COL17A1: variants seen among roughly 807,000 people sequenced by gnomAD.
COL17A1 encodes collagen type XVII alpha 1 chain.
Under a neutral mutation model 218.4 loss-of-function variants are expected in COL17A1, and 181 were observed. The ratio of observed to expected loss-of-function variants is 0.83; its 90% CI spans 0.73 to 0.94. The LOEUF (loss-of-function observed/expected upper bound fraction) is 0.94, where lower values mean the gene tolerates loss of function less well. COL17A1 is among the 40% of genes least tolerant of loss of function. COL17A1 has a pLI of 0.00. For missense variants in COL17A1, 1,924 were observed against 1,945.9 expected (o/e 0.99, Z 0.21); for synonymous variants, 721 against 731.0 (o/e 0.99, Z 0.22).
intron 30 of COL17A1, 79 bp downstream of exon 30, chr10:104,047,990 G>T: frequency 6.4e-7 from 1 of 1,560,748 alleles, no homozygotes; most frequent in East Asian, 2.2e-5. Flanking sequence ...CTGCACTATG[G>T]TTAAGGGGAC....
At chr10:104,032,583 G>T in intron 55 of COL17A1, 91 bp downstream of exon 55, 2 of 1,375,910 alleles carry the variant, frequency 1.5e-6, no homozygotes, top group South Asian at 1.2e-5. Flanking sequence ...AATTTCTCAG[G>T]CTTGCTCTGG....
intron 12 of COL17A1, 118 bp from the exon 13 acceptor site, chr10:104,061,591 A>T: frequency 1.3e-6 from 1 of 797,860 alleles, no homozygotes. Context: ...CAGATGATGA[A>T]TCAACTCTCT....
intron 5 of COL17A1, 75 bp downstream of exon 5, chr10:104,076,226 T>A: frequency 6.2e-7 from 1 of 1,608,626 alleles, no homozygotes; most frequent in South Asian, 1.1e-5. Context: ...GTGGCCAGCA[T>A]GTAAATCTTC....
At chr10:104,074,345 A>G (rs1349699331) in intron 5 of COL17A1, 114 bp from the exon 6 acceptor site, 2 of 1,453,312 alleles carry the variant, frequency 1.4e-6, no homozygotes, top group Non-Finnish European at 1.9e-6. Flanking sequence ...TCAGTGTTTC[A>G]GGGGGGAATG....
chr10:104,045,916 C>A, intron 32 of COL17A1, 123 bp from the exon 33 acceptor site: 1 of 829,452 alleles, frequency 1.2e-6, no homozygotes, highest in Non-Finnish European at 2.1e-6. Context: ...CTGGGACGCA[C>A]CAGCTTTGCC....
At chr10:104,061,514 C>CA in intron 12 of COL17A1, 41 bp from the exon 13 acceptor site, 1 of 1,588,634 alleles carries the variant, frequency 6.3e-7, no homozygotes, top group Non-Finnish European at 8.6e-7. Context: ...AGGGTGGTTC[C>CA]AGGTGACTCA....
chr10:104,037,026 C>G lies in COL17A1; in HGVS notation c.3277+19G>C. 2 of 1,594,746 alleles carry G rather than the reference C, an allele frequency of 1.3e-6. No individual in the cohort carries two copies. The highest frequency in any genetic ancestry group is 1.7e-6 in the Non-Finnish European group (2 of 1,170,390). On this transcript the variant is annotated intron_variant, in intron 47 of 55. Transcript: ENST00000648076. ...AAGCAAAGATAGTCCCACCCTCGATCCCCCCACAGGTGACTCACGCTGCAG... is the reference window on the plus strand; with the variant it reads ...AAGCAAAGATAGTCCCACCCTCGATGCCCCCACAGGTGACTCACGCTGCAG...
Position 104,032,146 on chromosome 10 carries a change from G to A in COL17A1, c.*89C>T. On this transcript the variant is annotated 3_prime_UTR_variant, in exon 56 of 56. Coordinates refer to ENST00000648076, the MANE Select transcript of COL17A1 (RefSeq NM_000494.4). Reference sequence around the variant, plus strand: ...GTGCTGTCTCAGTAGGACATTGACAGACTCCAGCTTTCACCCTCTGGAGAC... The same window carrying A: ...GTGCTGTCTCAGTAGGACATTGACAAACTCCAGCTTTCACCCTCTGGAGAC... 2.0e-6 allele frequency: 2 copies of A among 1,020,180 alleles called. No homozygotes were observed. Among genetic ancestry groups the A allele is most frequent in the Non-Finnish European group, 3.1e-6 (2 of 645,948 alleles). The allele number at this position is 1,020,180 out of a possible 1,614,324, so 63.2% of individuals were successfully genotyped here. A position where few individuals can be genotyped will look rare whatever the true frequency, so the allele number is the denominator to read the frequency against.
At chr10:104,036,114 GTATGGGAGTGTGTGT>G (rs2086292158) in intron 48 of COL17A1, among the ~76,000 whole-genome samples, 1 of 25,716 alleles carries the variant, frequency 3.9e-5, no homozygotes, top group Non-Finnish European at 1.7e-4. Context: ...GAGTGTGTGT[GTATGGGAGTGTGTGT>G]ATATGTGTGT....
intron 50 of COL17A1, among the ~76,000 whole-genome samples, 162 bp downstream of exon 50, chr10:104,035,101 G>A (rs914580276): frequency 1.3e-5 from 2 of 152,160 alleles, no homozygotes; most frequent in Non-Finnish European, 2.9e-5. Context: ...TCCCTGCCAC[G>A]GCTGAAGGCC....
At chr10:104,064,380 A>G (rs2086608176) in intron 10 of COL17A1, 58 bp downstream of exon 10, 3 of 1,612,318 alleles carry the variant, frequency 1.9e-6, no homozygotes, top group Admixed American at 1.7e-5. Flanking sequence ...ATCCAGCTCC[A>G]GGATAGAGGC....
At position 104,032,854 on chromosome 10, in the gene COL17A1, C is replaced by T. The variant is rs530916850; in HGVS notation, c.4357+52G>A. ...CCAGCACAGGAGCTGCTTTTCAGTA[C>T]GAGGTGGGTGTTAACACAGGATCCA... On this transcript the variant is annotated intron_variant, in intron 54 of 55. Transcript: ENST00000648076. The T allele has an allele frequency of 1.1e-5, 18 of 1,612,380 alleles. No individual in the cohort carries two copies. The African/African-American group carries it at 1.2e-4, about 11-fold the overall frequency.
chr10:104,062,392 C>T (rs1378570177), intron 11 of COL17A1, 63 bp from the exon 12 acceptor site: 75 of 1,610,736 alleles, frequency 4.7e-5, no homozygotes, highest in Admixed American at 2.3e-4. Flanking sequence ...TGGCTTAGGA[C>T]GGCCCCCAGA....
At chr10:104,036,982 G>T in intron 47 of COL17A1, 63 bp downstream of exon 47, 1 of 1,466,942 alleles carries the variant, frequency 6.8e-7, no homozygotes, top group Non-Finnish European at 9.4e-7. Flanking sequence ...AGGTTTGCAT[G>T]ACGAGTGAGG....
chr10:104,049,924 C>T (rs1342062438), intron 28 of COL17A1, among the ~76,000 whole-genome samples, 165 bp downstream of exon 28: 2 of 152,194 alleles, frequency 1.3e-5, no homozygotes, highest in African/African-American at 4.8e-5. Context: ...CCTTATCCTC[C>T]ACTCCAGGCT....
At position 104,076,448 on chromosome 10, in the gene COL17A1, A is replaced by G. The variant is rs755748739; in HGVS notation, c.203-19T>C. On this transcript the variant is annotated intron_variant, in intron 4 of 55. Coordinates refer to ENST00000648076, the MANE Select transcript of COL17A1 (RefSeq NM_000494.4). ...CTTCCAGCTGCAAGAGGGAAAAAGC[A>G]TAAGTTCTCAGTGCTTCAGCAGAGA... is the stretch of plus-strand genomic sequence containing the variant. The G allele has an allele frequency of 1.4e-5, 23 of 1,613,828 alleles. No individual in the cohort carries two copies. Among genetic ancestry groups the G allele is most frequent in the Middle Eastern group, 3.3e-4 (2 of 6,062 alleles).
intron 32 of COL17A1, 121 bp downstream of exon 32, chr10:104,046,626 G>T: frequency 1.1e-6 from 1 of 912,088 alleles, no homozygotes; most frequent in Non-Finnish European, 1.8e-6. Context: ...GTGAAAGGGA[G>T]TGTGTGCCAG....
chr10:104,034,150 A>G lies in COL17A1; in HGVS notation c.3951T>C (p.Gly1317=), dbSNP rs747001313. Residue 1317 remains glycine, a synonymous_variant, in exon 52 of 56, where the codon GGT becomes GGC. Transcript: ENST00000648076. The part of the protein sequence containing the change: ...YSSSMSTGGG[G]AGSLGAGGAF... ...CACCGCCTGCACCCAGGGAGCCTGC[A>G]CCACCTCCTCCTGTGCTCATGGAAG... 5 of 1,613,788 alleles carry G rather than the reference A, an allele frequency of 3.1e-6. No individual in the cohort carries two copies. Among genetic ancestry groups the G allele is most frequent in the Non-Finnish European group, 3.4e-6 (4 of 1,179,978 alleles).
chr10:104,063,310 A>G (rs1008708822), intron 11 of COL17A1, among the ~76,000 whole-genome samples: 1 of 152,246 alleles, frequency 6.6e-6, no homozygotes, highest in African/African-American at 2.4e-5. Context: ...CAGTAACATT[A>G]TTTACCCCAA....
Sources: gnomAD v4.1 joint callset for allele counts (sites outside exome capture counted in the v4.1 genomes callset) on GRCh38, gnomAD v4.1.1 for gene constraint, MANE v1.5 for transcripts, NCBI Gene and HGNC (gene_info 2026-07-23, HGNC 2026-07-21) for gene names.